The following SGCZ variants were observed in gnomAD, a reference collection of about 807,000 sequenced individuals.
SGCZ encodes the protein sarcoglycan zeta, also known as zeta-sarcoglycan.
Under a neutral mutation model 41.3 loss-of-function variants are expected in SGCZ, and 40 were observed. That is an observed-to-expected ratio of 0.97 (90% CI 0.75 to 1.26). The LOEUF (loss-of-function observed/expected upper bound fraction) is 1.26. Among genes scored for constraint, SGCZ ranks in the 50% most tolerant of loss-of-function variants. The pLI is 0.00. For missense variants in SGCZ, 552 were observed against 369.8 expected, an observed-to-expected ratio of 1.49 and a Z score of -4.04; for synonymous variants, 206 against 137.5, an observed-to-expected ratio of 1.50 and a Z score of -3.49.
At chr8:14,366,422 A>G (rs1175478906) in intron 2 of SGCZ, among the ~76,000 whole-genome samples, 1 of 152,120 alleles carries the variant, frequency 6.6e-6, no homozygotes, top group Non-Finnish European at 1.5e-5. Context: ...CATGGGGGAA[A>G]CCACCTGGAT....
At chr8:14,358,297 G>A (rs1237913384) in intron 2 of SGCZ, among the ~76,000 whole-genome samples, 1 of 151,994 alleles carries the variant, frequency 6.6e-6, no homozygotes, top group African/African-American at 2.4e-5. Flanking sequence ...TGGGGTAATC[G>A]ATGCAGAAAG....
chr8:14,168,973 G>T (rs368130514), intron 4 of SGCZ, among the ~76,000 whole-genome samples: 2 of 152,088 alleles, frequency 1.3e-5, no homozygotes, highest in African/African-American at 4.8e-5. Flanking sequence ...CTATTTGACC[G>T]ATGAGGAAAC....
At chr8:15,109,656 C>A (rs1465290825) in intron 1 of SGCZ, among the ~76,000 whole-genome samples, 3 of 152,032 alleles carry the variant, frequency 2.0e-5, no homozygotes, top group African/African-American at 7.2e-5. Flanking sequence ...AAATTATGGG[C>A]AAACTCCAAG....
chr8:15,113,428 A>G (rs1468650200), intron 1 of SGCZ, among the ~76,000 whole-genome samples: 1 of 152,122 alleles, frequency 6.6e-6, no homozygotes, highest in East Asian at 1.9e-4. Flanking sequence ...AATTGATATC[A>G]ACTGCTCTGC....
In SGCZ at chr8:15,211,645, T is replaced by C. The variant is rs541268160; in HGVS notation, c.39+25940A>G. ...GAAAACAATATCATACCTTCTTCTA[T>C]GTGATCATCTCTAAACTAGTTCTCT... On this transcript the variant is annotated intron_variant, in intron 1 of 7. Coordinates refer to ENST00000382080, the MANE Select transcript of SGCZ (RefSeq NM_139167.4). 7.2e-5 allele frequency among the ~76,000 whole-genome samples: 11 copies of C among 152,266 alleles called. No individual in the cohort carries two copies. In the South Asian group the frequency reaches 2.3e-3, roughly 32 times the overall value.
At chr8:14,147,780 C>A (rs1223035996) in intron 5 of SGCZ, among the ~76,000 whole-genome samples, 1 of 152,052 alleles carries the variant, frequency 6.6e-6, no homozygotes, top group Non-Finnish European at 1.5e-5. Flanking sequence ...GCATGTGGAT[C>A]ATTATCAGGG....
chr8:14,441,731 C>G (rs1304571021), intron 2 of SGCZ, among the ~76,000 whole-genome samples: 1 of 152,178 alleles, frequency 6.6e-6, no homozygotes, highest in Non-Finnish European at 1.5e-5. Context: ...GACTTGTGCT[C>G]TTCTTACTTC....
chr8:14,520,438 G>A (rs184779452), intron 2 of SGCZ, among the ~76,000 whole-genome samples: 4 of 152,116 alleles, frequency 2.6e-5, no homozygotes, highest in African/African-American at 9.7e-5. Context: ...AATTTGGACA[G>A]AGTGTAAGAA....
chr8:14,878,110 G>C (rs1391240831), intron 1 of SGCZ, among the ~76,000 whole-genome samples: 2 of 151,908 alleles, frequency 1.3e-5, no homozygotes, highest in Non-Finnish European at 2.9e-5. Flanking sequence ...TTTGAGGGTA[G>C]ATGAGAAAGA....
intron 5 of SGCZ, among the ~76,000 whole-genome samples, chr8:14,111,387 T>A (rs1352689950): frequency 1.3e-5 from 2 of 152,130 alleles, no homozygotes; most frequent in Admixed American, 6.6e-5. Flanking sequence ...TTATGCTCAC[T>A]TAGAGAAAAG....
At chr8:14,709,102 C>A (rs1051659737) in intron 1 of SGCZ, among the ~76,000 whole-genome samples, 3 of 152,070 alleles carry the variant, frequency 2.0e-5, no homozygotes, top group African/African-American at 7.2e-5. Flanking sequence ...AATTCTATCC[C>A]TTTCTCCTTT....
intron 1 of SGCZ, among the ~76,000 whole-genome samples, chr8:15,180,138 C>A (rs929183668): frequency 1.3e-5 from 2 of 152,168 alleles, no homozygotes; most frequent in Non-Finnish European, 2.9e-5. Flanking sequence ...CCACCCTAGT[C>A]ATGATAACAA....
chr8:14,516,539 C>T (rs559215753), intron 2 of SGCZ, among the ~76,000 whole-genome samples: 7 of 152,128 alleles, frequency 4.6e-5, no homozygotes, highest in South Asian at 2.1e-4. Flanking sequence ...GGTCTATCTA[C>T]GTTTTCTACA....
intron 1 of SGCZ, among the ~76,000 whole-genome samples, chr8:15,163,948 G>C (rs1799582285): frequency 6.6e-6 from 1 of 152,212 alleles, no homozygotes; most frequent in Admixed American, 6.5e-5. Context: ...GAAAGTTCAG[G>C]ACGTTTACAG....
Position 14,204,917 on chromosome 8 carries a change from T to C in SGCZ, c.424+32675A>G, listed in dbSNP as rs149250779. 7.2e-5 allele frequency among the ~76,000 whole-genome samples: 11 copies of C among 152,164 alleles called. No individual in the cohort carries two copies. The East Asian group carries it at 1.7e-3, about 24-fold the overall frequency. ...CCTTCAGACTTGGACTGAGCCTTGTTACTGGAATTCCAGGTCTCCAGCTTG... is the reference window on the plus strand; with the variant it reads ...CCTTCAGACTTGGACTGAGCCTTGTCACTGGAATTCCAGGTCTCCAGCTTG... On this transcript the variant is annotated intron_variant, in intron 4 of 7. Transcript: ENST00000382080.
At chr8:14,716,773 A>G (rs1293451231) in intron 1 of SGCZ, among the ~76,000 whole-genome samples, 1 of 152,016 alleles carries the variant, frequency 6.6e-6, no homozygotes, top group Non-Finnish European at 1.5e-5. Context: ...CTTTTATTTC[A>G]TTTACCTTGT....
intron 2 of SGCZ, among the ~76,000 whole-genome samples, chr8:14,361,090 G>C (rs1043571062): frequency 2.6e-5 from 4 of 152,126 alleles, no homozygotes; most frequent in African/African-American, 9.7e-5. Flanking sequence ...ATCCTCTTTA[G>C]TAAAATGTCT....
chr8:14,341,199 C>A lies in SGCZ; in HGVS notation c.235-16995G>T, dbSNP rs144319358. Among the ~76,000 whole-genome samples, 284 of 152,236 alleles carry A rather than the reference C, an allele frequency of 1.9e-3. 1 individual carries two copies. The highest frequency in any genetic ancestry group is 6.7e-3 in the African/African-American group (279 of 41,540). ...CTGTCAATGAGCACTTGGGTTGCAA[C>A]CTTCATTTGAATATTGTGAATAACT... On this transcript the variant is annotated intron_variant, in intron 2 of 7. Transcript: ENST00000382080.
At chr8:14,442,002 A>G (rs746098496) in intron 2 of SGCZ, among the ~76,000 whole-genome samples, 13 of 152,232 alleles carry the variant, frequency 8.5e-5, no homozygotes, top group Non-Finnish European at 1.6e-4. Flanking sequence ...TCTGAAAGCC[A>G]TACATTCCCC....
Sources: allele counts gnomAD v4.1 joint callset (sites outside exome capture counted in the v4.1 genomes callset), GRCh38; gene constraint gnomAD v4.1.1; transcripts MANE v1.5; gene names NCBI Gene and HGNC (gene_info 2026-07-23, HGNC 2026-07-21).